The following CDH8 variants were observed in gnomAD, a reference collection of about 807,000 sequenced individuals.
The protein encoded by CDH8 is cadherin-8.
Under a neutral mutation model 68.1 loss-of-function variants are expected in CDH8, and 17 were observed. The ratio of observed to expected loss-of-function variants is 0.25; its 90% CI spans 0.17 to 0.37. The LOEUF (loss-of-function observed/expected upper bound fraction) is 0.37, where lower values mean the gene tolerates loss of function less well. Among genes scored for constraint, CDH8 ranks in the 10% least tolerant of loss-of-function variants. The pLI, the probability that CDH8 is intolerant of heterozygous loss-of-function variation, is 1.00. For synonymous variants in CDH8, 372 were observed against 365.1 expected (o/e 1.02, Z -0.21); for missense variants, 763 against 999.3 (o/e 0.76, Z 3.19).
chr16:61,792,092 T>C (rs1233041009), intron 7 of CDH8, among the ~76,000 whole-genome samples: 3 of 152,116 alleles, frequency 2.0e-5, no homozygotes, highest in South Asian at 2.1e-4. Context: ...AGAATGCTCT[T>C]CCTTGGGAAT....
rs868639857 is a variant in CDH8 at position 61,932,203 on chromosome 16, G to A, written c.253-30730C>T. Among the ~76,000 whole-genome samples the A allele has an allele frequency of 9.9e-5, 11 of 110,614 alleles. No individual in the cohort carries two copies. In the East Asian group the frequency reaches 9.9e-4, roughly 10 times the overall value. The allele number at this position is 110,614 out of a possible 152,430, so 72.6% of individuals were successfully genotyped here. A position where few individuals can be genotyped will look rare whatever the true frequency, so the allele number is the denominator to read the frequency against. The stretch of plus-strand genomic sequence containing the variant: ...GGCCTGGGCCACAGAGCAAAACTCC[G>A]TCTCAAAAAAAAAAAAAAAGAAAAG... On this transcript the variant is annotated intron_variant, in intron 2 of 11. Coordinates refer to ENST00000577390, the MANE Select transcript of CDH8 (RefSeq NM_001796.5).
rs189746719 is a variant in CDH8 at position 61,899,592 on chromosome 16, G to A, written c.547+1587C>T. 7.2e-5 allele frequency among the ~76,000 whole-genome samples: 11 copies of A among 152,054 alleles called. No homozygotes were observed. In the East Asian group the frequency reaches 2.1e-3, roughly 29 times the overall value. On this transcript the variant is annotated intron_variant, in intron 3 of 11. Transcript: ENST00000577390. ...GAAAGAGGAAGAGGGATAGGAAAAG[G>A]TATTATGGGGAAGAAAAAAGAACTC...
intron 4 of CDH8, among the ~76,000 whole-genome samples, chr16:61,852,857 C>T (rs934432158): frequency 9.9e-6 from 1 of 100,506 alleles, no homozygotes; most frequent in Non-Finnish European, 1.9e-5. Flanking sequence ...CTCTGCCCTT[C>T]CTTCCTTCCT....
At chr16:61,871,327 T>C (rs1183155524) in intron 3 of CDH8, among the ~76,000 whole-genome samples, 1 of 151,472 alleles carries the variant, frequency 6.6e-6, no homozygotes, top group East Asian at 1.9e-4. Context: ...ATTACAGGTG[T>C]GTAATCCCAC....
intron 10 of CDH8, among the ~76,000 whole-genome samples, chr16:61,712,015 G>GA (rs1468259689): frequency 2.6e-5 from 4 of 151,458 alleles, no homozygotes; most frequent in Admixed American, 6.6e-5. Context: ...AAAATAATAT[G>GA]AAAAACCTAT....
rs147593074 is a variant in CDH8, at chr16:61,885,645, T to C, written c.547+15534A>G. 2.3e-3 allele frequency among the ~76,000 whole-genome samples: 346 copies of C among 152,024 alleles called. 2 individuals are homozygous for C. The highest frequency in any genetic ancestry group is 4.7e-3 in the Admixed American group (72 of 15,262). On this transcript the variant is annotated intron_variant, in intron 3 of 11. Transcript: ENST00000577390. ...CATATACATAAACGTGTGGGAATTG[T>C]TTGATATTATTTCATTATCACCTAA...
intron 2 of CDH8, among the ~76,000 whole-genome samples, chr16:62,007,029 T>C (rs950546902): frequency 2.0e-5 from 3 of 152,164 alleles, no homozygotes; most frequent in Middle Eastern, 3.4e-3. Flanking sequence ...TGTTTCAGCC[T>C]CCCAAGTAGC....
intron 8 of CDH8, among the ~76,000 whole-genome samples, chr16:61,788,881 C>G (rs1384339441): frequency 6.6e-6 from 1 of 151,944 alleles, no homozygotes; most frequent in Non-Finnish European, 1.5e-5. Context: ...TCTATAATCT[C>G]TCCTACCCAA....
chr16:61,975,462 G>T (rs1465185129), intron 2 of CDH8, among the ~76,000 whole-genome samples: 1 of 152,134 alleles, frequency 6.6e-6, no homozygotes, highest in South Asian at 2.1e-4. Flanking sequence ...CATTTAGGAG[G>T]TCTAGTGTAT....
intron 2 of CDH8, among the ~76,000 whole-genome samples, chr16:61,979,617 A>G (rs1965497535): frequency 6.6e-6 from 1 of 152,084 alleles, no homozygotes; most frequent in African/African-American, 2.4e-5. Flanking sequence ...AAGACAGGCA[A>G]TAAAGATGAG....
In CDH8 at chr16:61,671,895, T is replaced by C. The variant is rs564108446; in HGVS notation, c.1655-16174A>G. ...AATGATTGAAAAAAAAAGATACCTG[T>C]GTAGGTCACCCTTATGATTGAAACA... On this transcript the variant is annotated intron_variant, in intron 10 of 11. Coordinates refer to ENST00000577390, the MANE Select transcript of CDH8 (RefSeq NM_001796.5). Among the ~76,000 whole-genome samples the C allele has an allele frequency of 3.5e-4, 53 of 152,184 alleles. No individual in the cohort carries two copies. The Middle Eastern group carries it at 0.014, about 39-fold the overall frequency.
intron 2 of CDH8, among the ~76,000 whole-genome samples, chr16:61,928,821 T>C (rs1175587987): frequency 1.3e-5 from 2 of 152,230 alleles, no homozygotes; most frequent in East Asian, 3.8e-4. Context: ...CTGAACATTG[T>C]AGAAAAGGGA....
chr16:61,750,196 G>A lies in CDH8; in HGVS notation c.1415-22981C>T, dbSNP rs529625539. ...TCTGTTCCTGTGTTCATTTGCTTAG[G>A]ATAATGGTACTGGCACATTTTGGCT... On this transcript the variant is annotated intron_variant, in intron 8 of 11. Coordinates refer to ENST00000577390, the MANE Select transcript of CDH8 (RefSeq NM_001796.5). 5.9e-5 allele frequency among the ~76,000 whole-genome samples: 9 copies of A among 152,168 alleles called. No individual in the cohort carries two copies. In the South Asian group the frequency reaches 1.9e-3, roughly 31 times the overall value.
chr16:61,699,619 G>T (rs1340973978), intron 10 of CDH8, among the ~76,000 whole-genome samples: 3 of 152,044 alleles, frequency 2.0e-5, no homozygotes, highest in Non-Finnish European at 4.4e-5. Context: ...TTGTCACCCA[G>T]GCTGGAGTAC....
intron 9 of CDH8, among the ~76,000 whole-genome samples, chr16:61,720,516 T>C (rs967587565): frequency 6.6e-6 from 1 of 150,934 alleles, no homozygotes; most frequent in Non-Finnish European, 1.5e-5. Flanking sequence ...TCAATCTCAA[T>C]TAAATTAGGG....
intron 10 of CDH8, among the ~76,000 whole-genome samples, chr16:61,708,366 A>G (rs1964570422): frequency 6.6e-6 from 1 of 152,184 alleles, no homozygotes; most frequent in South Asian, 2.1e-4. Flanking sequence ...GTTTTCCATA[A>G]CATACACTAA....
At position 61,647,482 on chromosome 16, in the gene CDH8, C is replaced by A. The variant is rs1963230820; in HGVS notation, c.*6126G>T. The A allele has an allele frequency of 1.2e-5, 3 of 248,064 alleles. No homozygotes were observed. The highest frequency in any genetic ancestry group is 1.6e-4 in the South Asian group (2 of 12,124). The allele number at this position is 248,064 out of a possible 1,614,324, so 15.4% of individuals were successfully genotyped here. Reference sequence around the variant, plus strand: ...ACGTTGGAAAGGTGGGGGGGGTGATCCCAGTGACTCCTAAATTGTCATGTT... The same window carrying A: ...ACGTTGGAAAGGTGGGGGGGGTGATACCAGTGACTCCTAAATTGTCATGTT... On this transcript the variant is annotated 3_prime_UTR_variant, in exon 12 of 12. Coordinates refer to ENST00000577390, the MANE Select transcript of CDH8 (RefSeq NM_001796.5).
chr16:61,996,830 C>A (rs1183646173), intron 2 of CDH8, among the ~76,000 whole-genome samples: 1 of 152,146 alleles, frequency 6.6e-6, no homozygotes, highest in African/African-American at 2.4e-5. Context: ...ATACTCCGAC[C>A]TCACTCAGCC....
chr16:61,917,998 C>CT (rs1278341651), intron 2 of CDH8, among the ~76,000 whole-genome samples: 8 of 132,518 alleles, frequency 6.0e-5, no homozygotes, highest in African/African-American at 8.4e-5. Flanking sequence ...ACCGTACTGA[C>CT]ATTTGTACTG....
Sources: allele counts gnomAD v4.1 joint callset (sites outside exome capture counted in the v4.1 genomes callset), GRCh38; gene constraint gnomAD v4.1.1; transcripts MANE v1.5; gene names NCBI Gene and HGNC (gene_info 2026-07-23, HGNC 2026-07-21).